NPR2: variants seen among roughly 807,000 people sequenced by gnomAD.
The protein encoded by NPR2 is atrial natriuretic peptide receptor 2.
Under a neutral mutation model 120.7 loss-of-function variants are expected in NPR2, and 49 were observed. The ratio of observed to expected loss-of-function variants is 0.41; its 90% confidence interval spans 0.32 to 0.52. The LOEUF (loss-of-function observed/expected upper bound fraction) is 0.52, where lower values mean the gene tolerates loss of function less well. Ranked by LOEUF, NPR2 falls within the 20% of genes least tolerant of loss-of-function variation. The pLI is 0.36. For synonymous variants in NPR2, 484 were observed against 519.8 expected, an observed-to-expected ratio of 0.93 and a Z score of 0.94; for missense variants, 931 against 1,362.9, an observed-to-expected ratio of 0.68 and a Z score of 4.99.
intron 2 of NPR2, among the ~76,000 whole-genome samples, chr9:35,794,674 AGGAAT>A (rs1563984421): frequency 6.6e-6 from 1 of 152,210 alleles, no homozygotes. Context: ...AGAAAAAGAT[AGGAAT>A]GGGCGTGTTT....
chr9:35,799,745 T>G lies in NPR2; in HGVS notation c.987+14T>G. 2 of 1,593,210 alleles carry G rather than the reference T, an allele frequency of 1.3e-6. No individual in the cohort carries two copies. Among genetic ancestry groups the G allele is most frequent in the Non-Finnish European group, 8.6e-7 (1 of 1,161,248 alleles). On this transcript the variant is annotated intron_variant, in intron 3 of 21. Coordinates refer to ENST00000342694, the MANE Select transcript of NPR2 (RefSeq NM_003995.4). ...GGCCCTTCCCTGGTAAGTAGATCTCTCCCTTCCTGAGAGTCAGGTCAAGCT... is the reference window on the plus strand; with the variant it reads ...GGCCCTTCCCTGGTAAGTAGATCTCGCCCTTCCTGAGAGTCAGGTCAAGCT...
rs1828567462 is a variant in NPR2 at position 35,808,696 on chromosome 9, C to T, written c.2887+13C>T. The T allele has an allele frequency of 3.1e-6, 5 of 1,613,390 alleles. No homozygotes were observed. Among genetic ancestry groups the T allele is most frequent in the African/African-American group, 1.3e-5 (1 of 75,032 alleles). On this transcript the variant is annotated intron_variant, in intron 19 of 21. Coordinates refer to ENST00000342694, the MANE Select transcript of NPR2 (RefSeq NM_003995.4). This position sits in a 1 kb window ranked among gnomAD's most constrained non-coding sequence, Gnocchi z 4.0. ...GGGGTCCATACTGGTAAGGCTGACTCTCACTCCAGCCCTAGTCTCCACCTT... is the reference window on the plus strand; with the variant it reads ...GGGGTCCATACTGGTAAGGCTGACTTTCACTCCAGCCCTAGTCTCCACCTT...
rs1174257338 is a variant in NPR2 at position 35,792,266 on chromosome 9, CCTT to C, written c.-140_-138del. 2 of 844,468 alleles carry C rather than the reference CCTT, an allele frequency of 2.4e-6. No homozygotes were observed. Among genetic ancestry groups the C allele is most frequent in the Admixed American group, 5.6e-5 (2 of 35,694 alleles). 52.3% of individuals were successfully genotyped at this position (844,468 alleles called of 1,614,324 possible). A position where few individuals can be genotyped will look rare whatever the true frequency, so the allele number is the denominator to read the frequency against. ...CCCCTCCTCTCCCCGGCCCCCAGCA[CCTT>C]CTGCATCCCAGCCTACCTAGCCTAC... On this transcript the variant is annotated 5_prime_UTR_variant, in exon 1 of 22. Transcript: ENST00000342694.
Position 35,808,557 on chromosome 9 carries a change from C to G in NPR2, c.2761C>G (p.Arg921Gly), listed in dbSNP as rs1554674642. 1 of 1,614,028 alleles carries G rather than the reference C, an allele frequency of 6.2e-7. No homozygotes were observed. The highest frequency in any genetic ancestry group is 8.5e-7 in the Non-Finnish European group (1 of 1,180,046). The change falls in exon 19 of 22, where the codon CGA (arginine) becomes GGA (glycine). Residue 921 changes from arginine (R) to glycine (G), a missense_variant. Around this residue, in one of 3 missense-constraint regions of NPR2, gnomAD observed 184 missense variants for 328.3 expected, o/e 0.56. Coordinates refer to ENST00000342694, the MANE Select transcript of NPR2 (RefSeq NM_003995.4). This position sits in a 1 kb window ranked among gnomAD's most constrained non-coding sequence, Gnocchi z 4.0. ...CATGGTGGTATCTGGCCTCCCAGGCCGAAATGGTCAACGCCATGCACCAGA... is the reference window on the plus strand; with the variant it reads ...CATGGTGGTATCTGGCCTCCCAGGCGGAAATGGTCAACGCCATGCACCAGA... ...AYMVVSGLPG[R>G]NGQRHAPEIA...
chr9:35,809,302 G>A lies in NPR2; in HGVS notation c.3078+55G>A. The A allele has an allele frequency of 6.2e-7, 1 of 1,609,492 alleles. No individual in the cohort carries two copies. Among genetic ancestry groups the A allele is most frequent in the South Asian group, 1.1e-5 (1 of 91,000 alleles). Reference sequence around the variant, plus strand: ...GGAAAGGGAGGGTGAAAGTGATTATGGGAATCATAGGGAAAGAGAGGGAGA... The same window carrying A: ...GGAAAGGGAGGGTGAAAGTGATTATAGGAATCATAGGGAAAGAGAGGGAGA... On this transcript the variant is annotated intron_variant, in intron 21 of 21. Transcript: ENST00000342694. The surrounding 1 kb of genome is among the most constrained non-coding windows in gnomAD (Gnocchi z 4.1).
intron 12 of NPR2, among the ~76,000 whole-genome samples, chr9:35,803,790 T>C (rs1828261839): frequency 6.6e-6 from 1 of 152,260 alleles, no homozygotes; most frequent in African/African-American, 2.4e-5. Flanking sequence ...TGCTGAATTC[T>C]CATGAAGTTA....
intron 2 of NPR2, among the ~76,000 whole-genome samples, chr9:35,794,912 G>A (rs1346782172): frequency 6.6e-6 from 1 of 151,934 alleles, no homozygotes; most frequent in Admixed American, 6.6e-5. Context: ...GAGACCTGGG[G>A]CAGTGAGACC....
In NPR2 at chr9:35,799,858, A is replaced by G. The variant is rs61758524; in HGVS notation, c.987+127A>G. Reference sequence around the variant, plus strand: ...TGGGGGGTCTCCGCTTCTGTCCAGGATTTTTCCTTCTGCCCTATGGAGTAG... The same window carrying G: ...TGGGGGGTCTCCGCTTCTGTCCAGGGTTTTTCCTTCTGCCCTATGGAGTAG... On this transcript the variant is annotated intron_variant, in intron 3 of 21. Coordinates refer to ENST00000342694, the MANE Select transcript of NPR2 (RefSeq NM_003995.4). 1,819 of 1,389,852 alleles carry G rather than the reference A, an allele frequency of 1.3e-3. 2 individuals carry two copies. The highest frequency in any genetic ancestry group is 1.8e-3 in the Non-Finnish European group (1,742 of 979,498). The allele number at this position is 1,389,852 out of a possible 1,614,324, so 86.1% of individuals were successfully genotyped here.
rs748972938 is a variant in NPR2, at chr9:35,807,057, G to A, written c.2554G>A (p.Val852Ile). The stretch of plus-strand genomic sequence containing the variant: ...AGAGCAGTTAAAACGGGGAGAGACT[G>A]TACAGGCTGAGGCCTTTGACAGTGT... ...VAEQLKRGET[V>I]QAEAFDSVTI... Residue 852 changes from valine to isoleucine, a missense_variant, in exon 17 of 22, where the codon GTA becomes ATA. By Grantham distance (29) the Val-to-Ile change is conservative. Coordinates refer to ENST00000342694, the MANE Select transcript of NPR2 (RefSeq NM_003995.4). 1.9e-6 allele frequency: 3 copies of A among 1,613,934 alleles called. No homozygotes were observed. The highest frequency in any genetic ancestry group is 8.5e-7 in the Non-Finnish European group (1 of 1,179,894).
Position 35,805,933 on chromosome 9 carries a change from A to G in NPR2, c.2151A>G (p.Ile717Met). ...VYSFGIILQE[I>M]ALRSGPFYLE... is the part of the protein sequence containing the mutation. ...GCTTTGGGATCATCCTGCAGGAGAT[A>G]GCACTTCGCAGTGGTCCTTTCTACT... Residue 717 changes from isoleucine (I) to methionine (M), a missense_variant, in exon 14 of 22, where the codon ATA (isoleucine) becomes ATG (methionine). Coordinates refer to ENST00000342694, the MANE Select transcript of NPR2 (RefSeq NM_003995.4). This position sits in a 1 kb window ranked among gnomAD's most constrained non-coding sequence, Gnocchi z 4.9. The G allele has an allele frequency of 1.2e-6, 2 of 1,614,228 alleles. No homozygotes were observed. The highest frequency in any genetic ancestry group is 1.7e-6 in the Non-Finnish European group (2 of 1,180,028).
chr9:35,803,904 A>G (rs1010015438), intron 12 of NPR2, among the ~76,000 whole-genome samples: 5 of 152,226 alleles, frequency 3.3e-5, no homozygotes, highest in Non-Finnish European at 5.9e-5. Context: ...TGATAAACAT[A>G]AGACACGACT....
At chr9:35,797,815 G>A (rs1351627322) in intron 2 of NPR2, among the ~76,000 whole-genome samples, 1 of 151,942 alleles carries the variant, frequency 6.6e-6, no homozygotes, top group East Asian at 1.9e-4. Context: ...TTCTAGCATA[G>A]CAGTTTAGGG....
At position 35,800,420 on chromosome 9, in the gene NPR2, C is replaced by T. The variant is rs757184535; in HGVS notation, c.1155C>T (p.Asn385=). The T allele has an allele frequency of 3.3e-5, 53 of 1,614,144 alleles. No individual in the cohort carries two copies. The Admixed American group carries it at 8.8e-4, about 27-fold the overall frequency. Residue 385 remains asparagine (N), a synonymous_variant, in exon 5 of 22, where the codon AAC becomes AAT. Coordinates refer to ENST00000342694, the MANE Select transcript of NPR2 (RefSeq NM_003995.4). This position sits in a 1 kb window ranked among gnomAD's most constrained non-coding sequence, Gnocchi z 4.7. ...GVTGLVVMDK[N]NDRETDFVLW... ...CTGGGCTGGTTGTCATGGACAAGAA[C>T]AATGACCGAGAGACTGACTTTGTCC...
rs765074156 is a variant in NPR2 at position 35,809,267 on chromosome 9, AG to A, written c.3078+26del. 30 of 1,609,142 alleles carry A rather than the reference AG, an allele frequency of 1.9e-5. No individual in the cohort carries two copies. Among genetic ancestry groups the A allele is most frequent in the Non-Finnish European group, 2.3e-5 (27 of 1,175,934 alleles). Reference sequence around the variant, plus strand: ...ATGAAGGTGATGGCAGGCCATGGGGAGGGGGGCATGGAAAGGGAGGGTGAAA... The same window carrying A: ...ATGAAGGTGATGGCAGGCCATGGGGAGGGGGCATGGAAAGGGAGGGTGAAA... On this transcript the variant is annotated intron_variant, in intron 21 of 21. Transcript: ENST00000342694. The surrounding 1 kb of genome is among the most constrained non-coding windows in gnomAD (Gnocchi z 4.1).
Position 35,806,624 on chromosome 9 carries a change from C to G in NPR2, c.2519+86C>G, listed in dbSNP as rs28764014. 4.7e-4 allele frequency: 695 copies of G among 1,470,936 alleles called. No individual in the cohort carries two copies. Among genetic ancestry groups the G allele is most frequent in the Non-Finnish European group, 6.1e-4 (641 of 1,052,288 alleles). The allele number at this position is 1,470,936 out of a possible 1,614,324, so 91.1% of individuals were successfully genotyped here. A position where few individuals can be genotyped will look rare whatever the true frequency, so the allele number is the denominator to read the frequency against. ...TCATCAGGCACCTGAGAACTCGCCT[C>G]CCCACCCTCAGAACCCTGCTGGCCA... On this transcript the variant is annotated intron_variant, in intron 16 of 21. Transcript: ENST00000342694. The surrounding 1 kb of genome is among the most constrained non-coding windows in gnomAD (Gnocchi z 4.6).
Position 35,802,255 on chromosome 9 carries a change from C to T in NPR2, c.1682C>T (p.Thr561Ile), listed in dbSNP as rs1204671832. Reference sequence around the variant, plus strand: ...GTGAATAAGAAGCGCATTGAGCTGACCCGGCAGGTTCTGTTTGAACTCAAA... The same window carrying T: ...GTGAATAAGAAGCGCATTGAGCTGATCCGGCAGGTTCTGTTTGAACTCAAA... Reference protein sequence around the residue: ...KHVNKKRIELTRQVLFELKHM... With the variant: ...KHVNKKRIELIRQVLFELKHM... Residue 561 changes from threonine to isoleucine, a missense_variant, in exon 10 of 22, where the codon ACC (threonine) becomes ATC (isoleucine). Thr to Ile is a moderately conservative substitution (Grantham distance 89). This residue lies in a region of NPR2 where 681 missense variants were observed against 974.3 expected (regional missense o/e 0.70). Transcript: ENST00000342694. This position sits in a 1 kb window ranked among gnomAD's most constrained non-coding sequence, Gnocchi z 4.2. The T allele has an allele frequency of 6.2e-7, 1 of 1,605,734 alleles. No homozygotes were observed.
rs770297310 is a variant in NPR2, at chr9:35,800,532, C to T, written c.1218+49C>T. Reference sequence around the variant, plus strand: ...GAGAGTGTGGCCCTGCAAAATCCAGCTTTCAAGGGTTCAGTCGGGGCAGAA... The same window carrying T: ...GAGAGTGTGGCCCTGCAAAATCCAGTTTTCAAGGGTTCAGTCGGGGCAGAA... On this transcript the variant is annotated intron_variant, in intron 5 of 21. Transcript: ENST00000342694. The surrounding 1 kb of genome is among the most constrained non-coding windows in gnomAD (Gnocchi z 4.7). The T allele has an allele frequency of 1.9e-6, 3 of 1,583,244 alleles. No homozygotes were observed. Among genetic ancestry groups the T allele is most frequent in the Non-Finnish European group, 2.6e-6 (3 of 1,152,402 alleles).
At position 35,805,884 on chromosome 9, in the gene NPR2, G is replaced by C. The variant is rs1480444271; in HGVS notation, c.2102G>C (p.Gly701Ala). 1 of 1,614,012 alleles carries C rather than the reference G, an allele frequency of 6.2e-7. No homozygotes were observed. The highest frequency in any genetic ancestry group is 1.3e-5 in the African/African-American group (1 of 74,948). ...LLSGNPLPTT[G>A]MQKADVYSFG... ...AGTGGGAACCCCTTGCCAACCACAGGCATGCAGAAGGCTGACGTCTATAGC... is the reference window on the plus strand; with the variant it reads ...AGTGGGAACCCCTTGCCAACCACAGCCATGCAGAAGGCTGACGTCTATAGC... Residue 701 changes from glycine to alanine, a missense_variant, in exon 14 of 22, where the codon GGC becomes GCC. By Grantham distance (60) the Gly-to-Ala change is moderately conservative (BLOSUM62 0). This residue lies in a region of NPR2 where 681 missense variants were observed against 974.3 expected (regional missense o/e 0.70). Coordinates refer to ENST00000342694, the MANE Select transcript of NPR2 (RefSeq NM_003995.4). This position sits in a 1 kb window ranked among gnomAD's most constrained non-coding sequence, Gnocchi z 4.9.
At position 35,808,578 on chromosome 9, in the gene NPR2, C is replaced by G. The variant is rs1259290679; in HGVS notation, c.2782C>G (p.Pro928Ala). 6.2e-7 allele frequency: 1 copy of G among 1,614,022 alleles called. No homozygotes were observed. The highest frequency in any genetic ancestry group is 2.2e-5 in the East Asian group (1 of 44,902). ...AGGCCGAAATGGTCAACGCCATGCA[C>G]CAGAAATTGCTCGTATGGCCCTAGC... ...LPGRNGQRHA[P>A]EIARMALALL... Residue 928 changes from proline to alanine, a missense_variant, in exon 19 of 22, where the codon CCA becomes GCA. Around this residue, in one of 3 missense-constraint regions of NPR2, gnomAD observed 184 missense variants for 328.3 expected, o/e 0.56. Coordinates refer to ENST00000342694, the MANE Select transcript of NPR2 (RefSeq NM_003995.4). The surrounding 1 kb of genome is among the most constrained non-coding windows in gnomAD (Gnocchi z 4.0).
Sources: gnomAD v4.1 joint callset for allele counts (sites outside exome capture counted in the v4.1 genomes callset) on GRCh38, gnomAD v4.1.1 for gene constraint, gnomAD v4.1.1 regional missense constraint, Gnocchi (gnomAD v3.1) non-coding constraint, MANE v1.5 for transcripts, NCBI Gene and HGNC (gene_info 2026-07-23, HGNC 2026-07-21) for gene names.